L3MBTL3: variants seen among roughly 807,000 people sequenced by gnomAD.
The protein encoded by L3MBTL3 is lethal(3)malignant brain tumor-like protein 3.
A neutral mutation model predicts 102.3 loss-of-function variants in L3MBTL3; 27 were observed. The observed-to-expected ratio is 0.26, with a 90% CI of 0.19 to 0.36. L3MBTL3 has a LOEUF of 0.36. L3MBTL3 is among the 10% of genes least tolerant of loss of function. The pLI, the probability that L3MBTL3 is intolerant of heterozygous loss-of-function variation, is 1.00. For missense variants in L3MBTL3, 798 were observed against 955.3 expected, an observed-to-expected ratio of 0.84 and a Z score of 2.17; for synonymous variants, 340 against 320.9, an observed-to-expected ratio of 1.06 and a Z score of -0.64.
intron 1 of L3MBTL3, chr6:130,019,555 T>C (rs1352114039): frequency 1.3e-5 from 2 of 149,492 alleles, no homozygotes; most frequent in African/African-American, 4.9e-5. Flanking sequence ...TGCAGGCGCG[T>C]CTCCCCGGCG....
chr6:130,078,554 T>G lies in L3MBTL3; in HGVS notation c.1245-4T>G. On this transcript the variant is annotated splice_polypyrimidine_tract_variant and splice_region_variant and intron_variant, in intron 13 of 22. Transcript: ENST00000361794. ...TGCAGTTTTTTAATTTGTGTAACTT[T>G]CAGGTGTGAAGCATCAAGTCCACAT... 6.2e-7 allele frequency: 1 copy of G among 1,605,778 alleles called. No individual in the cohort carries two copies. The highest frequency in any genetic ancestry group is 8.5e-7 in the Non-Finnish European group (1 of 1,173,718).
At chr6:130,130,016 A>G (rs1786897939) in intron 20 of L3MBTL3, among the ~76,000 whole-genome samples, 1 of 152,224 alleles carries the variant, frequency 6.6e-6, no homozygotes, top group South Asian at 2.1e-4. Context: ...TGTGGCAGAT[A>G]ACATCAGTTA....
At chr6:130,094,483 GA>G in intron 18 of L3MBTL3, 116 bp downstream of exon 18, 2 of 524,342 alleles carry the variant, frequency 3.8e-6, no homozygotes, top group Non-Finnish European at 6.3e-6. Flanking sequence ...AGATCCATAA[GA>G]AATGTGGTTA....
chr6:130,114,397 T>C (rs1196993798), intron 19 of L3MBTL3, among the ~76,000 whole-genome samples: 2 of 152,222 alleles, frequency 1.3e-5, no homozygotes, highest in African/African-American at 4.8e-5. Flanking sequence ...AGAAAAGCGG[T>C]GACATCTGTT....
chr6:130,113,701 A>G (rs1165875518), intron 19 of L3MBTL3, among the ~76,000 whole-genome samples: 1 of 152,258 alleles, frequency 6.6e-6, no homozygotes, highest in Non-Finnish European at 1.5e-5. Context: ...TGTTTCCACT[A>G]TGAGAACTAC....
At chr6:130,118,631 A>G (rs941758555) in intron 19 of L3MBTL3, among the ~76,000 whole-genome samples, 15 of 152,188 alleles carry the variant, frequency 9.9e-5, no homozygotes, top group African/African-American at 3.6e-4. Context: ...CATTCAATAA[A>G]CATTTTTTGT....
intron 2 of L3MBTL3, among the ~76,000 whole-genome samples, chr6:130,028,580 T>C (rs554654279): frequency 6.6e-6 from 1 of 152,314 alleles, no homozygotes; most frequent in African/African-American, 2.4e-5. Flanking sequence ...TTAGGACAGA[T>C]TTCACATCTC....
At chr6:130,019,991 TCGCGGCGGCGGCGGC>T (rs1441417985) in intron 1 of L3MBTL3, among the ~76,000 whole-genome samples, 4 of 102,780 alleles carry the variant, frequency 3.9e-5, no homozygotes, top group South Asian at 9.1e-4. Flanking sequence ...GCGGCGGCGG[TCGCGGCGGCGGCGGC>T]CGCGCCGGGG....
At chr6:130,066,286 G>A (rs866844302) in intron 10 of L3MBTL3, 67 bp from the exon 11 acceptor site, 94 of 387,582 alleles carry the variant, frequency 2.4e-4, no homozygotes, top group African/African-American at 7.6e-4. Context: ...TTATTTTTGT[G>A]TATATATATA....
intron 2 of L3MBTL3, among the ~76,000 whole-genome samples, chr6:130,036,954 TGGC>T (rs909005165): frequency 1.3e-5 from 2 of 152,206 alleles, no homozygotes; most frequent in Non-Finnish European, 2.9e-5. Context: ...GTTCAAATGG[TGGC>T]CATGCTACTG....
chr6:130,132,405 A>G (rs990523403), intron 20 of L3MBTL3, among the ~76,000 whole-genome samples: 1 of 152,188 alleles, frequency 6.6e-6, no homozygotes. Flanking sequence ...TGTTGGTTAC[A>G]TGGGTGTGTT....
chr6:130,118,570 G>A (rs953359421), intron 19 of L3MBTL3, among the ~76,000 whole-genome samples: 4 of 152,156 alleles, frequency 2.6e-5, no homozygotes, highest in Non-Finnish European at 4.4e-5. Context: ...GGGTATAGGC[G>A]CTTTTAATTT....
chr6:130,037,682 A>C (rs536179510), intron 2 of L3MBTL3, among the ~76,000 whole-genome samples: 43 of 152,334 alleles, frequency 2.8e-4, no homozygotes, highest in African/African-American at 1.0e-3. Flanking sequence ...TTAATGGTAC[A>C]CATGTGATAT....
intron 2 of L3MBTL3, among the ~76,000 whole-genome samples, chr6:130,030,869 A>T (rs530700848): frequency 1.4e-5 from 1 of 69,056 alleles, no homozygotes; most frequent in Admixed American, 1.5e-4. Flanking sequence ...TATCAGTCTT[A>T]AAAAAGTAGT....
chr6:130,132,745 A>C (rs1301659970), intron 20 of L3MBTL3, among the ~76,000 whole-genome samples: 2 of 151,676 alleles, frequency 1.3e-5, no homozygotes, highest in Non-Finnish European at 2.9e-5. Context: ...AGAAGCTCTA[A>C]CATAAATAGA....
At chr6:130,065,114 G>T (rs938455578) in intron 10 of L3MBTL3, among the ~76,000 whole-genome samples, 1 of 152,060 alleles carries the variant, frequency 6.6e-6, no homozygotes, top group Non-Finnish European at 1.5e-5. Context: ...TTGTAAATTT[G>T]ATGTATGTGG....
In L3MBTL3 at chr6:130,066,270, C is replaced by A. The variant is rs956630565; in HGVS notation, c.865-83C>A. The A allele has an allele frequency of 1.4e-3, 428 of 312,996 alleles. 6 individuals are homozygous for A. Among genetic ancestry groups the A allele is most frequent in the African/African-American group, 0.01 (415 of 40,084 alleles). 19.4% of individuals were successfully genotyped at this position (312,996 alleles called of 1,614,324 possible). A position where few individuals can be genotyped will look rare whatever the true frequency, so the allele number is the denominator to read the frequency against. On this transcript the variant is annotated intron_variant, in intron 10 of 22. Coordinates refer to ENST00000361794, the MANE Select transcript of L3MBTL3 (RefSeq NM_032438.4). ...ATTAAGACTATATCATGCCTGGTGT[C>A]CATGTTTATTTTTGTGTATATATAT...
intron 20 of L3MBTL3, among the ~76,000 whole-genome samples, chr6:130,125,659 G>C (rs1369695005): frequency 6.6e-6 from 1 of 152,162 alleles, no homozygotes; most frequent in Non-Finnish European, 1.5e-5. Flanking sequence ...GAACCTACAG[G>C]TGCCCACCAG....
At chr6:130,138,988 C>A (rs1473106732) in intron 22 of L3MBTL3, among the ~76,000 whole-genome samples, 1 of 152,118 alleles carries the variant, frequency 6.6e-6, no homozygotes, top group Non-Finnish European at 1.5e-5. Context: ...CTCATAGTTA[C>A]CCTACCTGCG....
Sources: allele counts gnomAD v4.1 joint callset (sites outside exome capture counted in the v4.1 genomes callset), GRCh38; gene constraint gnomAD v4.1.1; transcripts MANE v1.5; gene names NCBI Gene and HGNC (gene_info 2026-07-23, HGNC 2026-07-21).